The following GPHN variants were observed in gnomAD, a reference collection of about 807,000 sequenced individuals.
The protein encoded by GPHN is gephyrin.
GPHN carries 17 observed loss-of-function variants against 95.5 expected under a neutral mutation model. The ratio of observed to expected loss-of-function variants is 0.18; its 90% CI spans 0.12 to 0.27. The LOEUF (loss-of-function observed/expected upper bound fraction) is 0.27, where lower values mean the gene tolerates loss of function less well. Among genes scored for constraint, GPHN ranks in the 10% least tolerant of loss-of-function variants. GPHN has a pLI of 1.00. For missense variants in GPHN, 660 were observed against 978.1 expected (o/e 0.67, Z 4.34); for synonymous variants, 320 against 322.5 (o/e 0.99, Z 0.08).
the GPHN span, among the ~76,000 whole-genome samples, chr14:67,504,867 C>T: frequency 5.3e-5 from 8 of 152,288 alleles, no homozygotes; most frequent in African/African-American, 1.9e-4. Context: ...ATCAGGGCAA[C>T]AAGAGCGACA....
rs956631585 is a variant in GPHN at position 66,520,303 on chromosome 14, TATTA to T, written c.64+11719_64+11722del. Among the ~76,000 whole-genome samples, 4 of 152,198 alleles carry T rather than the reference TATTA, an allele frequency of 2.6e-5. No homozygotes were observed. In the East Asian group the frequency reaches 5.8e-4, roughly 22 times the overall value. On this transcript the variant is annotated intron_variant, in intron 1 of 22. Transcript: ENST00000478722. ...GATAATTTACTTTCCAATAAGGATG[TATTA>T]ATTAATATTCCCACCTTCATTGGGT...
chr14:66,542,230 G>C lies in GPHN; in HGVS notation c.64+33639G>C, dbSNP rs1253616367. Among the ~76,000 whole-genome samples, 13 of 152,240 alleles carry C rather than the reference G, an allele frequency of 8.5e-5. No individual in the cohort carries two copies. The East Asian group carries it at 2.5e-3, about 29-fold the overall frequency. ...GCTGACTAGTTTTACTTAAATTCAT[G>C]GTCACAAATATCAAGTATCAAGTGA... On this transcript the variant is annotated intron_variant, in intron 1 of 22. Transcript: ENST00000478722.
chr14:66,967,451 T>C (rs1037444158), intron 9 of GPHN, among the ~76,000 whole-genome samples: 8 of 151,940 alleles, frequency 5.3e-5, no homozygotes, highest in African/African-American at 1.7e-4. Flanking sequence ...CTCCTTGTCT[T>C]CATGGAGTTT....
At chr14:67,316,002 A>G in the GPHN span, among the ~76,000 whole-genome samples, 1 of 152,252 alleles carries the variant, frequency 6.6e-6, no homozygotes, top group Non-Finnish European at 1.5e-5. Context: ...TACACTTACG[A>G]AATGCACTAA....
chr14:67,131,054 G>A (rs1479123099), intron 17 of GPHN, among the ~76,000 whole-genome samples: 1 of 152,158 alleles, frequency 6.6e-6, no homozygotes, highest in Non-Finnish European at 1.5e-5. Flanking sequence ...CTCCTAGACA[G>A]TGTGAGCTAC....
chr14:66,611,166 A>G (rs1486185394), intron 1 of GPHN, among the ~76,000 whole-genome samples: 3 of 152,176 alleles, frequency 2.0e-5, no homozygotes, highest in Non-Finnish European at 4.4e-5. Flanking sequence ...AATATACTTC[A>G]AGAATATGCA....
chr14:66,643,365 C>T (rs1188061638), intron 1 of GPHN, among the ~76,000 whole-genome samples: 1 of 151,828 alleles, frequency 6.6e-6, no homozygotes, highest in African/African-American at 2.4e-5. Flanking sequence ...TATCTATTAC[C>T]CAGGAATTTT....
At chr14:66,800,377 T>A (rs2060303153) in intron 3 of GPHN, among the ~76,000 whole-genome samples, 1 of 152,138 alleles carries the variant, frequency 6.6e-6, no homozygotes, top group Non-Finnish European at 1.5e-5. Context: ...GTAAGACAGA[T>A]CTGGTGTTGA....
chr14:67,552,932 T>C, the GPHN span, among the ~76,000 whole-genome samples: 1 of 152,200 alleles, frequency 6.6e-6, no homozygotes, highest in South Asian at 2.1e-4. Flanking sequence ...AGCATGTGCA[T>C]GGGATAGATA....
At chr14:67,605,166 C>T in the GPHN span, among the ~76,000 whole-genome samples, 18 of 152,266 alleles carry the variant, frequency 1.2e-4, no homozygotes, top group Admixed American at 9.2e-4. Flanking sequence ...GGAGAATTGA[C>T]ATCTTAACTA....
At chr14:67,178,106 G>A (rs1009206219) in intron 21 of GPHN, among the ~76,000 whole-genome samples, 6 of 152,162 alleles carry the variant, frequency 3.9e-5, no homozygotes, top group African/African-American at 7.2e-5. Flanking sequence ...CTGTCATTAT[G>A]ATGCTAGCTG....
chr14:66,929,371 C>G (rs994013094), intron 8 of GPHN, among the ~76,000 whole-genome samples: 8 of 152,044 alleles, frequency 5.3e-5, no homozygotes, highest in African/African-American at 1.9e-4. Context: ...AATTTTCTGT[C>G]TGGAGAATCT....
chr14:66,587,583 G>A (rs1240766344), intron 1 of GPHN, among the ~76,000 whole-genome samples: 1 of 152,166 alleles, frequency 6.6e-6, no homozygotes, highest in Non-Finnish European at 1.5e-5. Context: ...ATGCAAATCA[G>A]TGGAGGTCAT....
chr14:66,597,891 A>G (rs1032897342), intron 1 of GPHN, among the ~76,000 whole-genome samples: 2 of 152,198 alleles, frequency 1.3e-5, no homozygotes, highest in African/African-American at 2.4e-5. Context: ...AGTGTCCATT[A>G]ATGGGTGAAT....
intron 20 of GPHN, 68 bp downstream of exon 20, chr14:67,165,294 G>T: frequency 1.1e-6 from 1 of 951,822 alleles, no homozygotes; most frequent in African/African-American, 1.6e-5. Flanking sequence ...GACTTCTCAT[G>T]TGACCACCTG....
chr14:67,596,224 G>C, the GPHN span, among the ~76,000 whole-genome samples: 1 of 150,326 alleles, frequency 6.7e-6, no homozygotes, highest in African/African-American at 2.4e-5. Flanking sequence ...CACCTCCCGG[G>C]TTCAAGTGAT....
chr14:66,614,575 T>C (rs111894489), intron 1 of GPHN, among the ~76,000 whole-genome samples: 78 of 137,710 alleles, frequency 5.7e-4, no homozygotes, highest in African/African-American at 2.1e-3. Flanking sequence ...TCCAAAACTT[T>C]AGCTTTTTTT....
chr14:67,119,647 G>A (rs1168993156), intron 16 of GPHN, among the ~76,000 whole-genome samples: 5 of 152,066 alleles, frequency 3.3e-5, no homozygotes, highest in Admixed American at 2.0e-4. Context: ...AAAATTAGCC[G>A]GGCGTGGTGG....
At chr14:67,016,598 A>G (rs890820737) in intron 9 of GPHN, among the ~76,000 whole-genome samples, 3 of 152,100 alleles carry the variant, frequency 2.0e-5, no homozygotes, top group Non-Finnish European at 4.4e-5. Flanking sequence ...CTCTCAAGGG[A>G]CCCATTGACC....
Sources: allele counts gnomAD v4.1 joint callset (sites outside exome capture counted in the v4.1 genomes callset), GRCh38; gene constraint gnomAD v4.1.1; transcripts MANE v1.5; gene names NCBI Gene and HGNC (gene_info 2026-07-23, HGNC 2026-07-21).